KLHL2: variants seen among roughly 807,000 people sequenced by gnomAD.
KLHL2 encodes kelch-like protein 2.
A neutral mutation model predicts 75.8 loss-of-function variants in KLHL2; 15 were observed. The ratio of observed to expected loss-of-function variants is 0.20; its 90% CI spans 0.13 to 0.30. KLHL2 has a LOEUF of 0.30. Among genes scored for constraint, KLHL2 ranks in the 10% least tolerant of loss-of-function variants. The probability of loss-of-function intolerance (pLI) is 1.00; values close to 1 mark genes in which losing one functional copy is unlikely to be tolerated. For missense variants in KLHL2, 381 were observed against 741.0 expected (o/e 0.51, Z 5.64); for synonymous variants, 214 against 251.9 (o/e 0.85, Z 1.42).
At chr4:165,241,165 A>G (rs1165557704) in intron 4 of KLHL2, among the ~76,000 whole-genome samples, 1 of 152,232 alleles carries the variant, frequency 6.6e-6, no homozygotes, top group African/African-American at 2.4e-5. Flanking sequence ...TAGGGCTATC[A>G]TGATTTGTAA....
chr4:165,312,355 C>G (rs1032566429), intron 11 of KLHL2, among the ~76,000 whole-genome samples: 7 of 151,942 alleles, frequency 4.6e-5, no homozygotes, highest in Non-Finnish European at 7.4e-5. Flanking sequence ...GATGGATTGC[C>G]ACAGTTATTT....
chr4:165,236,579 G>A (rs1305737025), intron 3 of KLHL2, among the ~76,000 whole-genome samples: 2 of 152,134 alleles, frequency 1.3e-5, no homozygotes, highest in Non-Finnish European at 2.9e-5. Flanking sequence ...ACTGTTTAAA[G>A]ATTTCCTCTG....
intron 8 of KLHL2, among the ~76,000 whole-genome samples, chr4:165,304,403 TCTC>T (rs535119090): frequency 1.6e-4 from 25 of 152,308 alleles, no homozygotes; most frequent in African/African-American, 5.3e-4. Context: ...AGGCTGCAAA[TCTC>T]CTCTTTTTGT....
At chr4:165,305,950 G>A (rs1222297963) in intron 9 of KLHL2, among the ~76,000 whole-genome samples, 1 of 152,178 alleles carries the variant, frequency 6.6e-6, no homozygotes, top group Non-Finnish European at 1.5e-5. Flanking sequence ...AGTGTAAGGT[G>A]GGAGAGCTAG....
At chr4:165,264,017 C>G (rs1446628483) in intron 5 of KLHL2, among the ~76,000 whole-genome samples, 4 of 152,030 alleles carry the variant, frequency 2.6e-5, no homozygotes, top group Admixed American at 2.6e-4. Flanking sequence ...TCAAGGAGCC[C>G]TTGCTTTAGC....
At chr4:165,302,184 G>A (rs184388205) in intron 8 of KLHL2, among the ~76,000 whole-genome samples, 11 of 152,256 alleles carry the variant, frequency 7.2e-5, no homozygotes, top group Admixed American at 5.2e-4. Context: ...GACTTTGCAT[G>A]TTTACTTGTA....
chr4:165,208,764 A>G (rs1737011328), intron 1 of KLHL2, among the ~76,000 whole-genome samples: 1 of 152,186 alleles, frequency 6.6e-6, no homozygotes, highest in African/African-American at 2.4e-5. Context: ...AGGAAGGAAC[A>G]AGAGTCCTTT....
chr4:165,279,341 T>G, intron 5 of KLHL2: 2 of 1,577,050 alleles, frequency 1.3e-6, no homozygotes, highest in Non-Finnish European at 1.7e-6. Flanking sequence ...TCCAGTTATC[T>G]TGTCCCAGAC....
At chr4:165,234,481 T>G (rs953502457) in intron 3 of KLHL2, among the ~76,000 whole-genome samples, 2 of 152,208 alleles carry the variant, frequency 1.3e-5, no homozygotes, top group Non-Finnish European at 2.9e-5. Flanking sequence ...ATGAAATGAA[T>G]TTTAGCGTTT....
intron 5 of KLHL2, chr4:165,278,873 C>T (rs1000427358): frequency 2.7e-6 from 4 of 1,502,394 alleles, no homozygotes; most frequent in African/African-American, 1.4e-5. Context: ...AGACTGGTCC[C>T]CTAAACACCC....
chr4:165,252,680 A>G (rs1560771949), intron 4 of KLHL2: 3 of 152,036 alleles, frequency 2.0e-5, no homozygotes, highest in Non-Finnish European at 4.4e-5. Flanking sequence ...ATATAGCTAT[A>G]TCACTGACAT....
intron 9 of KLHL2, among the ~76,000 whole-genome samples, chr4:165,308,116 C>G (rs1199058659): frequency 2.0e-5 from 3 of 152,172 alleles, no homozygotes; most frequent in Non-Finnish European, 4.4e-5. Flanking sequence ...TGTTATGAAA[C>G]TAGTGATAGG....
At chr4:165,292,667 T>A (rs1560811428) in intron 5 of KLHL2, among the ~76,000 whole-genome samples, 1 of 152,172 alleles carries the variant, frequency 6.6e-6, no homozygotes, top group Non-Finnish European at 1.5e-5. Context: ...TTCATGAGAT[T>A]TATGAAAATG....
intron 4 of KLHL2, among the ~76,000 whole-genome samples, chr4:165,253,789 C>A (rs907737): frequency 6.7e-6 from 1 of 148,624 alleles, no homozygotes; most frequent in Non-Finnish European, 1.5e-5. Flanking sequence ...GAATGTATTT[C>A]TTTTAAGGCT....
intron 9 of KLHL2, among the ~76,000 whole-genome samples, chr4:165,310,233 G>C (rs1055721882): frequency 6.6e-6 from 1 of 152,204 alleles, no homozygotes; most frequent in Non-Finnish European, 1.5e-5. Flanking sequence ...GCTGAGGCAG[G>C]AGAATGGTGT....
At chr4:165,277,433 A>G (rs1743212294) in intron 5 of KLHL2, among the ~76,000 whole-genome samples, 1 of 152,268 alleles carries the variant, frequency 6.6e-6, no homozygotes, top group African/African-American at 2.4e-5. Flanking sequence ...TTAATAATTT[A>G]GTAGATATTT....
intron 5 of KLHL2, among the ~76,000 whole-genome samples, chr4:165,293,554 G>C (rs956788251): frequency 4.7e-5 from 7 of 150,340 alleles, no homozygotes; most frequent in Non-Finnish European, 8.8e-5. Flanking sequence ...CCAGGCTGGA[G>C]TGCAGTGCTG....
At position 165,264,672 on chromosome 4, in the gene KLHL2, A is replaced by G. The variant is rs553217907; in HGVS notation, c.544+1313A>G. On this transcript the variant is annotated intron_variant, in intron 5 of 14. Coordinates refer to ENST00000226725, the MANE Select transcript of KLHL2 (RefSeq NM_007246.4). ...CATGTATATACATATATGTCTACAT[A>G]CGTATATGTATGTGTGTGTGTGTGT... Among the ~76,000 whole-genome samples, 684 of 120,860 alleles carry G rather than the reference A, an allele frequency of 5.7e-3. 8 individuals carry two copies. Among genetic ancestry groups the G allele is most frequent in the African/African-American group, 0.019 (646 of 33,420 alleles). The allele number at this position is 120,860 out of a possible 152,430, so 79.3% of individuals were successfully genotyped here.
chr4:165,257,557 C>T (rs1741284638), intron 4 of KLHL2, among the ~76,000 whole-genome samples: 1 of 152,130 alleles, frequency 6.6e-6, no homozygotes, highest in African/African-American at 2.4e-5. Context: ...TGGTCAAAGC[C>T]TGCTTGGGCC....
Sources: gnomAD v4.1 joint callset for allele counts (sites outside exome capture counted in the v4.1 genomes callset) on GRCh38, gnomAD v4.1.1 for gene constraint, MANE v1.5 for transcripts, NCBI Gene and HGNC (gene_info 2026-07-23, HGNC 2026-07-21) for gene names.